PTPRD: variants seen among roughly 807,000 people sequenced by gnomAD.
The protein encoded by PTPRD is protein tyrosine phosphatase receptor type D, also known as receptor-type tyrosine-protein phosphatase delta.
PTPRD carries 34 observed loss-of-function variants against 214.5 expected under a neutral mutation model. That is an observed-to-expected ratio of 0.16 (90% CI 0.12 to 0.21). The LOEUF is 0.21. Among genes scored for constraint, PTPRD ranks in the 10% least tolerant of loss-of-function variants. The pLI is 1.00. For missense variants in PTPRD, 2,545 were observed against 2,398.7 expected, an observed-to-expected ratio of 1.06 and a Z score of -1.27; for synonymous variants, 1,128 against 845.7, an observed-to-expected ratio of 1.33 and a Z score of -5.79.
chr9:9,398,675 T>C (rs1587166040), intron 8 of PTPRD, among the ~76,000 whole-genome samples: 1 of 152,116 alleles, frequency 6.6e-6, no homozygotes, highest in East Asian at 1.9e-4. Context: ...CTTTAAGACT[T>C]TTTCAATCAT....
At chr9:8,818,724 C>T (rs2096976203) in intron 11 of PTPRD, among the ~76,000 whole-genome samples, 1 of 152,198 alleles carries the variant, frequency 6.6e-6, no homozygotes. Flanking sequence ...TTCTTACGCA[C>T]ATATTTAATT....
At chr9:8,339,133 AT>A in intron 42 of PTPRD, 86 bp from the exon 43 acceptor site, 1 of 1,313,426 alleles carries the variant, frequency 7.6e-7, no homozygotes, top group East Asian at 2.7e-5. Flanking sequence ...AATCTATCTA[AT>A]TTCCTTATCC....
chr9:8,434,409 G>A (rs1419902921), intron 35 of PTPRD, among the ~76,000 whole-genome samples: 1 of 152,166 alleles, frequency 6.6e-6, no homozygotes, highest in East Asian at 1.9e-4. Context: ...TAGCTTAAGT[G>A]TATAATAGAC....
chr9:8,787,458 C>A (rs541960542), intron 11 of PTPRD, among the ~76,000 whole-genome samples: 109 of 152,232 alleles, frequency 7.2e-4, no homozygotes, highest in African/African-American at 2.2e-3. Flanking sequence ...CATTTTCCCC[C>A]AGTTGACATG....
At chr9:9,387,611 G>A (rs1304668790) in intron 9 of PTPRD, among the ~76,000 whole-genome samples, 1 of 151,986 alleles carries the variant, frequency 6.6e-6, no homozygotes, top group East Asian at 1.9e-4. Context: ...AATTAAGTGA[G>A]CAGAAAATTA....
chr9:8,674,164 T>G lies in PTPRD; in HGVS notation c.65-37320A>C, dbSNP rs114290740. ...ATCCAAAATTATTTTGAATGTGCAA[T>G]TCAAGCATTTAAAAAGCCTGAAGTT... On this transcript the variant is annotated intron_variant, in intron 12 of 45. Coordinates refer to ENST00000381196, the MANE Select transcript of PTPRD (RefSeq NM_002839.4). Among the ~76,000 whole-genome samples the G allele has an allele frequency of 6.2e-3, 949 of 152,266 alleles. 19 individuals carry two copies. The highest frequency in any genetic ancestry group is 0.022 in the African/African-American group (903 of 41,554).
chr9:10,032,073 G>C (rs1431240425), intron 4 of PTPRD, among the ~76,000 whole-genome samples: 1 of 152,118 alleles, frequency 6.6e-6, no homozygotes, highest in African/African-American at 2.4e-5. Flanking sequence ...TTAATTAAAT[G>C]TGAGCTACTA....
intron 21 of PTPRD, among the ~76,000 whole-genome samples, chr9:8,514,716 A>G (rs1368985025): frequency 6.6e-6 from 1 of 152,142 alleles, no homozygotes; most frequent in Non-Finnish European, 1.5e-5. Flanking sequence ...AAAAACACAA[A>G]AACTATCACA....
At chr9:9,422,920 A>C (rs1280769064) in intron 8 of PTPRD, among the ~76,000 whole-genome samples, 1 of 152,148 alleles carries the variant, frequency 6.6e-6, no homozygotes, top group Non-Finnish European at 1.5e-5. Context: ...CAGACACAAA[A>C]ATTAGATTTG....
intron 3 of PTPRD, among the ~76,000 whole-genome samples, chr9:10,067,784 G>C (rs571307791): frequency 6.6e-5 from 10 of 151,642 alleles, no homozygotes; most frequent in Non-Finnish European, 1.5e-4. Flanking sequence ...CACCCCAACA[G>C]CACAAACGAG....
At chr9:9,690,860 C>A (rs950735288) in intron 7 of PTPRD, among the ~76,000 whole-genome samples, 28 of 141,056 alleles carry the variant, frequency 2.0e-4, no homozygotes, top group African/African-American at 7.4e-4. Flanking sequence ...GTTTTGGTTA[C>A]TATGGCTTTG....
chr9:9,028,261 T>C (rs1180862520), intron 10 of PTPRD, among the ~76,000 whole-genome samples: 2 of 151,992 alleles, frequency 1.3e-5, no homozygotes, highest in Non-Finnish European at 2.9e-5. Flanking sequence ...TGAAGCTCAC[T>C]AAATTATGTC....
At chr9:9,363,242 CA>C (rs2056832787) in intron 9 of PTPRD, among the ~76,000 whole-genome samples, 1 of 149,864 alleles carries the variant, frequency 6.7e-6, no homozygotes, top group Non-Finnish European at 1.5e-5. Flanking sequence ...AATTACTGAT[CA>C]ACACCCCAAA....
At chr9:9,102,810 A>G (rs935082750) in intron 10 of PTPRD, among the ~76,000 whole-genome samples, 36 of 152,236 alleles carry the variant, frequency 2.4e-4, no homozygotes, top group African/African-American at 8.2e-4. Flanking sequence ...TTGAAACATG[A>G]CACTTGGGAA....
At chr9:8,953,736 C>T (rs1184223098) in intron 11 of PTPRD, among the ~76,000 whole-genome samples, 1 of 151,994 alleles carries the variant, frequency 6.6e-6, no homozygotes, top group Non-Finnish European at 1.5e-5. Flanking sequence ...AACCCACAAA[C>T]ATATGAAAAA....
intron 9 of PTPRD, among the ~76,000 whole-genome samples, chr9:9,189,767 T>G (rs1040603958): frequency 2.0e-5 from 3 of 152,130 alleles, no homozygotes; most frequent in African/African-American, 7.2e-5. Context: ...CTCTTTATTA[T>G]TTTGCTATGC....
At chr9:9,502,001 GTCTACAACTTGAT>G (rs1207618391) in intron 8 of PTPRD, among the ~76,000 whole-genome samples, 2 of 151,660 alleles carry the variant, frequency 1.3e-5, no homozygotes, top group Non-Finnish European at 2.9e-5. Context: ...CATACACATA[GTCTACAACTTGAT>G]GAGTTGGAGA....
chr9:10,287,987 T>G (rs10959025), intron 3 of PTPRD, among the ~76,000 whole-genome samples: 6,852 of 152,148 alleles, frequency 0.045, 225 homozygotes, highest in Non-Finnish European at 0.069. Flanking sequence ...TTTGAATAAC[T>G]TGCAAAGCCT....
chr9:9,641,068 G>C (rs1271700825), intron 7 of PTPRD, among the ~76,000 whole-genome samples: 1 of 91,620 alleles, frequency 1.1e-5, no homozygotes, highest in Non-Finnish European at 3.2e-5. Flanking sequence ...AGCTCCATGA[G>C]GTAATAATGA....
Sources: gnomAD v4.1 joint callset for allele counts (sites outside exome capture counted in the v4.1 genomes callset) on GRCh38, gnomAD v4.1.1 for gene constraint, MANE v1.5 for transcripts, NCBI Gene and HGNC (gene_info 2026-07-23, HGNC 2026-07-21) for gene names.